Variants in NELFCD observed in about 807,000 individuals in gnomAD.
The protein encoded by NELFCD is negative elongation factor complex member C/D.
Under a neutral mutation model 72.9 loss-of-function variants are expected in NELFCD, and 48 were observed. The ratio of observed to expected loss-of-function variants is 0.66; its 90% confidence interval spans 0.52 to 0.84. NELFCD has a LOEUF of 0.84. NELFCD is among the 40% of genes least tolerant of loss of function. The pLI is 0.00. For synonymous variants in NELFCD, 297 were observed against 280.6 expected, an observed-to-expected ratio of 1.06 and a Z score of -0.59; for missense variants, 538 against 723.8, an observed-to-expected ratio of 0.74 and a Z score of 2.94.
chr20:58,982,198 C>T (rs974432498), intron 1 of NELFCD, among the ~76,000 whole-genome samples: 3 of 126,160 alleles, frequency 2.4e-5, no homozygotes, highest in African/African-American at 9.1e-5. Flanking sequence ...CTCTTGTTGC[C>T]CAGGCTGGAG....
intron 1 of NELFCD, among the ~76,000 whole-genome samples, chr20:58,983,961 G>C (rs948582266): frequency 6.6e-6 from 1 of 152,128 alleles, no homozygotes; most frequent in African/African-American, 2.4e-5. Context: ...TGGACCAGAC[G>C]TTCATTTCAT....
chr20:58,993,662 CCTG>C lies in NELFCD; in HGVS notation c.1483_1485del (p.Leu495del), dbSNP rs2091834626. 2 of 1,614,102 alleles carry C rather than the reference CCTG, an allele frequency of 1.2e-6. No individual in the cohort carries two copies. Among genetic ancestry groups the C allele is most frequent in the Admixed American group, 1.7e-5 (1 of 60,000 alleles). On this transcript the variant is annotated inframe_deletion, in exon 13 of 15. Coordinates refer to ENST00000652272, the MANE Select transcript of NELFCD (RefSeq NM_198976.4). This position sits in a 1 kb window ranked among gnomAD's most constrained non-coding sequence, Gnocchi z 5.0. ...AGACACTGCTGGACAGGATGGTTCA[CCTG>C]CTGAGTCGAGGTTATGTACTTCCTG...
chr20:58,994,372 C>T lies in NELFCD; in HGVS notation c.1711+133C>T, dbSNP rs181828275. 8,843 of 888,614 alleles carry T rather than the reference C, an allele frequency of 1.0e-2. 130 individuals carry two copies. Among genetic ancestry groups the T allele is most frequent in the South Asian group, 0.033 (2,040 of 61,138 alleles). 55.0% of individuals were successfully genotyped at this position (888,614 alleles called of 1,614,324 possible). On this transcript the variant is annotated intron_variant, in intron 14 of 14. Coordinates refer to ENST00000652272, the MANE Select transcript of NELFCD (RefSeq NM_198976.4). ...TGAGGTTGGGAGTTCAAGACCAGCC[C>T]GACCAACATGGAGAAACCCCATCTC...
intron 1 of NELFCD, among the ~76,000 whole-genome samples, chr20:58,984,054 A>AT (rs1320529564): frequency 6.6e-6 from 1 of 152,178 alleles, no homozygotes; most frequent in Non-Finnish European, 1.5e-5. Context: ...ATTTTAAAAG[A>AT]TAGTTGGTGA....
intron 1 of NELFCD, among the ~76,000 whole-genome samples, chr20:58,982,830 C>G (rs973893350): frequency 2.6e-5 from 4 of 152,136 alleles, no homozygotes; most frequent in Non-Finnish European, 4.4e-5. Context: ...TGGATAGAGT[C>G]AGACTTAGCT....
chr20:58,988,007 A>C (rs1410610377), intron 4 of NELFCD, 190 bp downstream of exon 4: 1 of 583,938 alleles, frequency 1.7e-6, no homozygotes, highest in African/African-American at 1.9e-5. Context: ...ACATGCTTGC[A>C]CGCAAGAGGC....
At chr20:58,992,899 G>T in intron 10 of NELFCD, 99 bp from the exon 11 acceptor site, 1 of 816,234 alleles carries the variant, frequency 1.2e-6, no homozygotes, top group Non-Finnish European at 2.1e-6. Context: ...GTGAATGATG[G>T]AGTCATTTGA....
Position 58,981,287 on chromosome 20 carries a change from CGGGG to C in NELFCD, c.-21_-18del. On this transcript the variant is annotated 5_prime_UTR_variant, in exon 1 of 15. Transcript: ENST00000652272. ...CGCGCTCGCTCGCGGGAGGGCATGGCGGGGGCCGTGCCGGGCGCCATCATGGACG... is the reference window on the plus strand; with the variant it reads ...CGCGCTCGCTCGCGGGAGGGCATGGCGCCGTGCCGGGCGCCATCATGGACG... The C allele has an allele frequency of 1.9e-6, 2 of 1,067,888 alleles. No individual in the cohort carries two copies. The highest frequency in any genetic ancestry group is 7.9e-5 in the South Asian group (2 of 25,322). 66.2% of individuals were successfully genotyped at this position (1,067,888 alleles called of 1,614,324 possible). A position where few individuals can be genotyped will look rare whatever the true frequency, so the allele number is the denominator to read the frequency against.
intron 14 of NELFCD, 98 bp downstream of exon 14, chr20:58,994,337 G>A (rs767336901): frequency 5.4e-6 from 7 of 1,305,352 alleles, no homozygotes; most frequent in Non-Finnish European, 7.5e-6. Context: ...GCCAAGGTGG[G>A]TGGATCACCT....
intron 7 of NELFCD, chr20:58,990,206 G>C (rs998075905): frequency 1.8e-6 from 1 of 542,798 alleles, no homozygotes; most frequent in Admixed American, 3.2e-5. Flanking sequence ...AGACCAGCTT[G>C]ACCAACATGG....
At chr20:58,981,637 G>C (rs1411684679) in intron 1 of NELFCD, among the ~76,000 whole-genome samples, 1 of 151,226 alleles carries the variant, frequency 6.6e-6, no homozygotes, top group African/African-American at 2.4e-5. Context: ...CTCTGGCGCG[G>C]GGCGGCCCGA....
intron 14 of NELFCD, 141 bp downstream of exon 14, chr20:58,994,380 A>G (rs1033434325): frequency 5.7e-5 from 47 of 829,252 alleles, no homozygotes; most frequent in Middle Eastern, 3.0e-4. Context: ...CCCGACCAAC[A>G]TGGAGAAACC....
Position 58,986,348 on chromosome 20 carries a change from CTTTT to C in NELFCD, c.176+152_176+155del. The C allele has an allele frequency of 2.1e-6, 1 of 474,584 alleles. No individual in the cohort carries two copies. The highest frequency in any genetic ancestry group is 3.7e-6 in the Non-Finnish European group (1 of 269,254). 29.4% of individuals were successfully genotyped at this position (474,584 alleles called of 1,614,324 possible). On this transcript the variant is annotated intron_variant, in intron 2 of 14. Transcript: ENST00000652272. This position sits in a 1 kb window ranked among gnomAD's most constrained non-coding sequence, Gnocchi z 4.4. ...CTTCAAGGGGGGGTCCCCTCTGCCACTTTTTTTTTTTTTTTAAATTTTTTTAAGA... is the reference window on the plus strand; with the variant it reads ...CTTCAAGGGGGGGTCCCCTCTGCCACTTTTTTTTTTTAAATTTTTTTAAGA...
rs1433650541 is a variant in NELFCD at position 58,993,085 on chromosome 20, C to T, written c.1317C>T (p.Thr439=). 2.5e-6 allele frequency: 4 copies of T among 1,613,892 alleles called. No individual in the cohort carries two copies. Among genetic ancestry groups the T allele is most frequent in the Admixed American group, 3.3e-5 (2 of 59,994 alleles). ...ACTTTCAGCTGCAGACTGACCATAC[C>T]CCTGTCCACCTGGCGTTGCTGGATG... The part of the protein sequence containing the change: ...PRYFQLQTDH[T]PVHLALLDEI... The change falls in exon 11 of 15, where the codon ACC becomes ACT. Residue 439 remains threonine, a synonymous_variant. Coordinates refer to ENST00000652272, the MANE Select transcript of NELFCD (RefSeq NM_198976.4). The surrounding 1 kb of genome is among the most constrained non-coding windows in gnomAD (Gnocchi z 5.0).
chr20:58,987,988 A>G (rs2091785013), intron 4 of NELFCD, 171 bp downstream of exon 4: 2 of 607,324 alleles, frequency 3.3e-6, no homozygotes, highest in East Asian at 2.8e-5. Flanking sequence ...CTCTGTACCC[A>G]GGGTCGTGAC....
rs373372450 is a variant in NELFCD, at chr20:58,989,937, G to T, written c.737G>T (p.Gly246Val). 1.9e-6 allele frequency: 3 copies of T among 1,614,072 alleles called. No homozygotes were observed. Among genetic ancestry groups the T allele is most frequent in the Middle Eastern group, 1.7e-4 (1 of 5,974 alleles). ...MSVLAQEEQG[G>V]SAVRRIAQEV... ...GTGCTGGCCCAGGAGGAGCAGGGGG[G>T]CTCCGCTGTGCGCAGGATCGCCCAG... Residue 246 changes from glycine to valine, a missense_variant, in exon 7 of 15, where the codon GGC becomes GTC. This residue lies in a region of NELFCD where 355 missense variants were observed against 534.5 expected (regional missense o/e 0.66). Coordinates refer to ENST00000652272, the MANE Select transcript of NELFCD (RefSeq NM_198976.4).
chr20:58,994,302 G>A, intron 14 of NELFCD, 63 bp downstream of exon 14: 2 of 1,569,704 alleles, frequency 1.3e-6, no homozygotes, highest in Admixed American at 1.7e-5. Flanking sequence ...GGTGGCTCAT[G>A]CCTGTAATCC....
chr20:58,993,060 A>G lies in NELFCD; in HGVS notation c.1292A>G (p.Tyr431Cys). The G allele has an allele frequency of 6.2e-7, 1 of 1,614,172 alleles. No homozygotes were observed. Among genetic ancestry groups the G allele is most frequent in the Non-Finnish European group, 8.5e-7 (1 of 1,180,034 alleles). ...WVDWTVSEPR[Y>C]FQLQTDHTPV... ...GATTGGACTGTATCAGAACCAAGGT[A>G]CTTTCAGCTGCAGACTGACCATACC... Residue 431 changes from tyrosine (Y) to cysteine (C), a missense_variant, in exon 11 of 15, where the codon TAC becomes TGC. By Grantham distance (194) the Tyr-to-Cys change is radical. This residue lies in a region of NELFCD where 355 missense variants were observed against 534.5 expected (regional missense o/e 0.66). Coordinates refer to ENST00000652272, the MANE Select transcript of NELFCD (RefSeq NM_198976.4). The surrounding 1 kb of genome is among the most constrained non-coding windows in gnomAD (Gnocchi z 5.0).
intron 4 of NELFCD, 56 bp downstream of exon 4, chr20:58,987,873 C>G: frequency 7.4e-7 from 1 of 1,342,540 alleles, no homozygotes; most frequent in Middle Eastern, 1.8e-4. Context: ...TTGCAAATTC[C>G]CTGTGTACAG....
Sources: allele counts gnomAD v4.1 joint callset (sites outside exome capture counted in the v4.1 genomes callset), GRCh38; gene constraint gnomAD v4.1.1; regional missense constraint gnomAD v4.1.1; non-coding constraint Gnocchi (gnomAD v3.1); transcripts MANE v1.5; gene names NCBI Gene and HGNC (gene_info 2026-07-23, HGNC 2026-07-21).